The following ADGRE3 variants were observed in gnomAD, a reference collection of about 807,000 sequenced individuals.
The protein encoded by ADGRE3 is adhesion G protein-coupled receptor E3.
ADGRE3 carries 88 observed loss-of-function variants against 80.1 expected under a neutral mutation model. That is an observed-to-expected ratio of 1.10 (90% confidence interval 0.93 to 1.31). The LOEUF is 1.31. Ranked by LOEUF, ADGRE3 falls within the 40% of genes most tolerant of loss-of-function variation. The probability of loss-of-function intolerance (pLI) is 0.00; values close to 1 mark genes in which losing one functional copy is unlikely to be tolerated. For missense variants in ADGRE3, 715 were observed against 776.5 expected (o/e 0.92, Z 0.94); for synonymous variants, 281 against 294.8 (o/e 0.95, Z 0.48).
chr19:14,667,930 C>T (rs1972147572), intron 2 of ADGRE3, among the ~76,000 whole-genome samples: 1 of 152,120 alleles, frequency 6.6e-6, no homozygotes, highest in South Asian at 2.1e-4. Flanking sequence ...CTGTTTTCAT[C>T]TTGTAAAACT....
chr19:14,616,857 C>T (rs1034171501), downstream of ADGRE3, among the ~76,000 whole-genome samples: 1 of 148,260 alleles, frequency 6.7e-6, no homozygotes, highest in African/African-American at 2.5e-5. Context: ...TGCAGTGGCG[C>T]AATCTCGGCT....
chr19:14,609,919 G>T, the ADGRE3 span: 6 of 620,626 alleles, frequency 9.7e-6, no homozygotes, highest in East Asian at 1.7e-4. Context: ...ACTGTGCCCG[G>T]CTTACAGGTG....
chr19:14,605,241 G>A, the ADGRE3 span, among the ~76,000 whole-genome samples: 1 of 152,106 alleles, frequency 6.6e-6, no homozygotes, highest in Admixed American at 6.6e-5. Flanking sequence ...GGGAATACAG[G>A]CATGACACCA....
the ADGRE3 span, among the ~76,000 whole-genome samples, chr19:14,608,835 T>C: frequency 6.7e-6 from 1 of 149,902 alleles, no homozygotes; most frequent in African/African-American, 2.5e-5. Context: ...AGTCTCACTC[T>C]GTGGCCCGAG....
intron 5 of ADGRE3, among the ~76,000 whole-genome samples, chr19:14,656,384 AAAAG>A (rs1297661937): frequency 6.6e-5 from 10 of 151,616 alleles, no homozygotes; most frequent in African/African-American, 2.4e-4. Context: ...AGAAAAAAAA[AAAAG>A]AAAGTAGAAC....
At chr19:14,636,004 T>TA (rs796166536) in intron 11 of ADGRE3, among the ~76,000 whole-genome samples, 13,744 of 73,704 alleles carry the variant, frequency 0.19, 1,977 homozygotes, top group Middle Eastern at 0.29. Context: ...TCTCTCTTTC[T>TA]CTTTCTTTCT....
chr19:14,650,197 A>C (rs1401120919), intron 7 of ADGRE3, among the ~76,000 whole-genome samples: 4 of 110,230 alleles, frequency 3.6e-5, no homozygotes, highest in Non-Finnish European at 5.4e-5. Context: ...CTCTCTTTGC[A>C]TCTCTCTCCT....
chr19:14,616,499 C>T (rs986019232), downstream of ADGRE3, among the ~76,000 whole-genome samples: 6 of 151,496 alleles, frequency 4.0e-5, no homozygotes, highest in African/African-American at 9.7e-5. Flanking sequence ...GGGAAAGTCC[C>T]GGGTAAACCA....
chr19:14,610,402 G>T, the ADGRE3 span: 1 of 615,100 alleles, frequency 1.6e-6, no homozygotes, highest in South Asian at 2.0e-5. Flanking sequence ...AGTAGATGGT[G>T]AGCTGGGAGG....
intron 6 of ADGRE3, among the ~76,000 whole-genome samples, chr19:14,654,266 T>G (rs1211096075): frequency 2.0e-5 from 3 of 150,458 alleles, no homozygotes; most frequent in Non-Finnish European, 4.4e-5. Flanking sequence ...AACCTGTTTT[T>G]TTTTTTTTTT....
chr19:14,647,033 A>C, intron 8 of ADGRE3, 148 bp downstream of exon 8: 1 of 623,364 alleles, frequency 1.6e-6, no homozygotes, highest in South Asian at 2.3e-5. Flanking sequence ...GATTCAGACC[A>C]GCTACATTTC....
At chr19:14,651,472 C>A (rs576470270) in intron 6 of ADGRE3, among the ~76,000 whole-genome samples, 3 of 152,192 alleles carry the variant, frequency 2.0e-5, no homozygotes, top group South Asian at 4.1e-4. Context: ...ACACATGTCA[C>A]CTTATAAACC....
rs1459973596 is a variant in ADGRE3, at chr19:14,668,823, C to T, written c.55G>A (p.Ala19Thr). ...TCACTTTTGGTTTTCTGAGTCACAG[C>T]TCCAAAGAGGCTCAGCAGAAAGCAG... ...GLCFLLSLFG[A>T]VTQKTKTSCA... Residue 19 changes from alanine to threonine, a missense_variant, in exon 2 of 16, where the codon GCT (alanine) becomes ACT (threonine). By Grantham distance (58) the Ala-to-Thr change is moderately conservative. Transcript: ENST00000253673. 2.5e-6 allele frequency: 4 copies of T among 1,614,066 alleles called. No homozygotes were observed. Among genetic ancestry groups the T allele is most frequent in the South Asian group, 1.1e-5 (1 of 91,064 alleles).
intron 10 of ADGRE3, 25 bp downstream of exon 10, chr19:14,641,394 G>T (rs369866334): frequency 6.2e-7 from 1 of 1,613,730 alleles, no homozygotes; most frequent in South Asian, 1.1e-5. Flanking sequence ...GGCAGAAAGG[G>T]CATCCTCTGA....
At chr19:14,617,341 C>CCTTTTT (rs2075083292), downstream of ADGRE3, among the ~76,000 whole-genome samples, 1 of 57,170 alleles carries the variant, frequency 1.7e-5, no homozygotes, top group Non-Finnish European at 3.7e-5. Context: ...TCCCTCCCTC[C>CCTTTTT]CTTTCTTTCT....
In ADGRE3 at chr19:14,638,157, T is replaced by C. The variant is rs1197249337; in HGVS notation, c.1432A>G (p.Thr478Ala). The stretch of plus-strand genomic sequence containing the variant: ...CAGGAGGCTGCAGAAATGGCCACAG[T>C]CACAGCGGGAACGCCATAGCCGACT... ...FPVGYGVPAV[T>A]VAISAASWPH... The change falls in exon 11 of 16, where the codon ACT (threonine) becomes GCT (alanine). Residue 478 changes from threonine to alanine, a missense_variant. Physicochemically the swap from Thr to Ala is moderately conservative, Grantham distance 58. Coordinates refer to ENST00000253673, the MANE Select transcript of ADGRE3 (RefSeq NM_032571.5). The C allele has an allele frequency of 1.9e-6, 3 of 1,614,062 alleles. No individual in the cohort carries two copies. In the East Asian group the frequency reaches 6.7e-5, roughly 36 times the overall value.
chr19:14,629,974 C>A, intron 14 of ADGRE3, 65 bp downstream of exon 14: 2 of 1,051,990 alleles, frequency 1.9e-6, no homozygotes, highest in South Asian at 2.0e-5. Context: ...AACTTAAATC[C>A]CCATTGAACT....
chr19:14,664,056 G>A (rs1051706889), intron 2 of ADGRE3, among the ~76,000 whole-genome samples: 7 of 151,504 alleles, frequency 4.6e-5, no homozygotes, highest in African/African-American at 1.7e-4. Flanking sequence ...TGAGATCTAA[G>A]CACGTTAAAA....
intron 15 of ADGRE3, among the ~76,000 whole-genome samples, chr19:14,620,486 AAT>A (rs1242047636): frequency 9.0e-6 from 1 of 110,976 alleles, no homozygotes; most frequent in Non-Finnish European, 1.8e-5. Flanking sequence ...AGTACATATG[AAT>A]ATATATGAAT....
Sources: gnomAD v4.1 joint callset for allele counts (sites outside exome capture counted in the v4.1 genomes callset) on GRCh38, gnomAD v4.1.1 for gene constraint, MANE v1.5 for transcripts, NCBI Gene and HGNC (gene_info 2026-07-23, HGNC 2026-07-21) for gene names.